NALCN: variants seen among roughly 807,000 people sequenced by gnomAD.
NALCN encodes sodium leak channel NALCN.
NALCN carries 111 observed loss-of-function variants against 225.3 expected under a neutral mutation model. The observed-to-expected ratio is 0.49, with a 90% CI of 0.42 to 0.58. NALCN has a LOEUF of 0.58. Among genes scored for constraint, NALCN ranks in the 20% least tolerant of loss-of-function variants. The probability of loss-of-function intolerance (pLI) is 0.00; values close to 1 mark genes in which losing one functional copy is unlikely to be tolerated. For missense variants in NALCN, 1,378 were observed against 2,202.4 expected, an observed-to-expected ratio of 0.63 and a Z score of 7.49; for synonymous variants, 764 against 769.0, an observed-to-expected ratio of 0.99 and a Z score of 0.11.
At chr13:101,287,515 T>G (rs2043383058) in intron 9 of NALCN, among the ~76,000 whole-genome samples, 1 of 152,202 alleles carries the variant, frequency 6.6e-6, no homozygotes, top group Non-Finnish European at 1.5e-5. Context: ...ACATGCAAAG[T>G]GGAGACATTA....
intron 3 of NALCN, among the ~76,000 whole-genome samples, chr13:101,381,307 T>C (rs2046842100): frequency 6.6e-6 from 1 of 152,158 alleles, no homozygotes; most frequent in South Asian, 2.1e-4. Context: ...CATAAACGCA[T>C]CACAAAGGTT....
intron 13 of NALCN, among the ~76,000 whole-genome samples, chr13:101,222,781 G>C (rs1227724251): frequency 6.6e-6 from 1 of 152,176 alleles, no homozygotes; most frequent in Non-Finnish European, 1.5e-5. Flanking sequence ...AATTTGGAGG[G>C]AGCGGGGCTA....
intron 18 of NALCN, among the ~76,000 whole-genome samples, chr13:101,120,389 A>G (rs1013610074): frequency 2.6e-5 from 4 of 152,148 alleles, no homozygotes; most frequent in Non-Finnish European, 4.4e-5. Context: ...TATCTGAACT[A>G]TAGACTGCTG....
At chr13:101,154,015 A>G (rs77598644) in intron 15 of NALCN, among the ~76,000 whole-genome samples, 2,258 of 152,332 alleles carry the variant, frequency 0.015, 62 homozygotes, top group African/African-American at 0.052. Flanking sequence ...TTTAACTCTT[A>G]TAAATCCTTC....
intron 14 of NALCN, among the ~76,000 whole-genome samples, chr13:101,187,491 C>A (rs192244685): frequency 1.3e-5 from 2 of 152,062 alleles, no homozygotes; most frequent in African/African-American, 4.8e-5. Context: ...AGAGGATATT[C>A]GCAACACATG....
intron 3 of NALCN, among the ~76,000 whole-genome samples, chr13:101,388,130 C>T (rs1168867854): frequency 6.6e-6 from 1 of 151,974 alleles, no homozygotes; most frequent in Non-Finnish European, 1.5e-5. Flanking sequence ...TACCCTCTAA[C>T]AATAATAGAG....
At chr13:101,341,832 T>C (rs1365168439) in intron 7 of NALCN, among the ~76,000 whole-genome samples, 1 of 152,168 alleles carries the variant, frequency 6.6e-6, no homozygotes, top group Non-Finnish European at 1.5e-5. Flanking sequence ...TACCAGAAGG[T>C]AGGACCTTTG....
chr13:101,196,546 T>C (rs868456324), intron 13 of NALCN, among the ~76,000 whole-genome samples: 8 of 152,190 alleles, frequency 5.3e-5, no homozygotes, highest in African/African-American at 1.7e-4. Flanking sequence ...TCCAGATATC[T>C]CATCCCACTC....
At chr13:101,264,005 C>A (rs1159335151) in intron 10 of NALCN, among the ~76,000 whole-genome samples, 1 of 152,074 alleles carries the variant, frequency 6.6e-6, no homozygotes, top group African/African-American at 2.4e-5. Flanking sequence ...TTATACTTTT[C>A]AATTTTTTAT....
intron 2 of NALCN, among the ~76,000 whole-genome samples, chr13:101,398,383 G>T (rs2047375359): frequency 6.6e-6 from 1 of 152,152 alleles, no homozygotes; most frequent in South Asian, 2.1e-4. Flanking sequence ...TCAACCATGA[G>T]ATGAGTAAGA....
At chr13:101,173,378 TAA>T (rs2038825880) in intron 15 of NALCN, among the ~76,000 whole-genome samples, 1 of 152,200 alleles carries the variant, frequency 6.6e-6, no homozygotes, top group African/African-American at 2.4e-5. Flanking sequence ...GTTTAGAGGT[TAA>T]GAGTGTGGGC....
At chr13:101,124,275 C>A (rs578166268) in intron 18 of NALCN, among the ~76,000 whole-genome samples, 6 of 152,182 alleles carry the variant, frequency 3.9e-5, no homozygotes, top group African/African-American at 1.4e-4. Context: ...TACCATTTAT[C>A]CTTTAGATTG....
chr13:101,174,561 A>G (rs888039556), intron 15 of NALCN, among the ~76,000 whole-genome samples: 1 of 152,242 alleles, frequency 6.6e-6, no homozygotes, highest in African/African-American at 2.4e-5. Flanking sequence ...AAAGATGACA[A>G]AAAATTTAAG....
At chr13:101,232,675 T>C (rs1369735740) in intron 12 of NALCN, among the ~76,000 whole-genome samples, 1 of 152,058 alleles carries the variant, frequency 6.6e-6, no homozygotes, top group African/African-American at 2.4e-5. Flanking sequence ...CTCGATCTCC[T>C]GACCTCGTGA....
At chr13:101,161,775 G>A (rs1353975660) in intron 15 of NALCN, among the ~76,000 whole-genome samples, 1 of 152,248 alleles carries the variant, frequency 6.6e-6, no homozygotes, top group Admixed American at 6.5e-5. Flanking sequence ...GGGAGGCTGA[G>A]GCAGGAGAAT....
intron 42 of NALCN, 137 bp downstream of exon 42, chr13:101,059,681 T>G: frequency 2.5e-6 from 2 of 798,264 alleles, no homozygotes; most frequent in South Asian, 2.9e-5. Flanking sequence ...TGCCTTTTTT[T>G]TTTTTAATGA....
At chr13:101,214,133 A>C (rs552122956) in intron 13 of NALCN, among the ~76,000 whole-genome samples, 86 of 152,328 alleles carry the variant, frequency 5.6e-4, no homozygotes, top group Middle Eastern at 3.4e-3. Flanking sequence ...GGATGAGTTC[A>C]TGTCCTTTGT....
chr13:101,312,322 C>A (rs2044376726), intron 7 of NALCN, among the ~76,000 whole-genome samples: 1 of 152,116 alleles, frequency 6.6e-6, no homozygotes, highest in Admixed American at 6.5e-5. Context: ...CTCCTGGATT[C>A]ATTAATTTTT....
At chr13:101,411,001 T>C (rs963125535) in intron 1 of NALCN, among the ~76,000 whole-genome samples, 3 of 152,176 alleles carry the variant, frequency 2.0e-5, no homozygotes, top group Non-Finnish European at 4.4e-5. Context: ...GAATTGTATA[T>C]CCAATTTCTC....
Sources: gnomAD v4.1 joint callset for allele counts (sites outside exome capture counted in the v4.1 genomes callset) on GRCh38, gnomAD v4.1.1 for gene constraint, MANE v1.5 for transcripts, NCBI Gene and HGNC (gene_info 2026-07-23, HGNC 2026-07-21) for gene names.